The following MAD1L1 variants were observed in gnomAD, a reference collection of about 807,000 sequenced individuals.
The protein encoded by MAD1L1 is mitotic spindle assembly checkpoint protein MAD1.
Under a neutral mutation model 96.9 loss-of-function variants are expected in MAD1L1, and 95 were observed. That is an observed-to-expected ratio of 0.98 (90% CI 0.83 to 1.16). MAD1L1 has a LOEUF of 1.16. Ranked by LOEUF, MAD1L1 falls within the 50% of genes most tolerant of loss-of-function variation. The probability of loss-of-function intolerance (pLI) is 0.00; values close to 1 mark genes in which losing one functional copy is unlikely to be tolerated. For synonymous variants in MAD1L1, 473 were observed against 396.6 expected (o/e 1.19, Z -2.29); for missense variants, 1,007 against 954.4 (o/e 1.06, Z -0.73).
intron 15 of MAD1L1, among the ~76,000 whole-genome samples, chr7:1,975,438 A>T (rs1220760294): frequency 1.3e-5 from 2 of 152,024 alleles, no homozygotes; most frequent in Non-Finnish European, 2.9e-5. Context: ...ACCAGGGAAA[A>T]CCAGTTCCAC....
At chr7:2,124,642 T>TG (rs1278552518) in intron 11 of MAD1L1, among the ~76,000 whole-genome samples, 5 of 152,082 alleles carry the variant, frequency 3.3e-5, no homozygotes, top group Non-Finnish European at 5.9e-5. Flanking sequence ...AAGGAGCGTA[T>TG]GGGGCTCCAC....
At chr7:1,912,088 G>A (rs1190109380) in intron 17 of MAD1L1, among the ~76,000 whole-genome samples, 1 of 152,214 alleles carries the variant, frequency 6.6e-6, no homozygotes, top group Non-Finnish European at 1.5e-5. Flanking sequence ...CATAGCTGTC[G>A]GGATAGTTTC....
intron 10 of MAD1L1, among the ~76,000 whole-genome samples, chr7:2,212,332 G>A (rs1046659391): frequency 2.0e-5 from 3 of 152,220 alleles, no homozygotes; most frequent in Admixed American, 1.3e-4. Flanking sequence ...ACTGCGTGAA[G>A]AGGCTGCTAC....
chr7:2,105,933 G>T (rs1028047984), intron 11 of MAD1L1, among the ~76,000 whole-genome samples: 1 of 151,652 alleles, frequency 6.6e-6, no homozygotes, highest in Non-Finnish European at 1.5e-5. Flanking sequence ...GCCCTATCCA[G>T]CTGCGGCCCC....
intron 18 of MAD1L1, among the ~76,000 whole-genome samples, chr7:1,833,323 G>C (rs915782690): frequency 6.6e-6 from 1 of 152,142 alleles, no homozygotes; most frequent in African/African-American, 2.4e-5. Flanking sequence ...GCAGATTTCA[G>C]AGCAAAGAAT....
chr7:1,877,173 A>T (rs1025859989), intron 18 of MAD1L1, among the ~76,000 whole-genome samples: 1 of 152,148 alleles, frequency 6.6e-6, no homozygotes, highest in Non-Finnish European at 1.5e-5. Flanking sequence ...ACTGACATAG[A>T]GCTGGGGTCA....
chr7:1,885,421 A>C (rs1311913304), intron 18 of MAD1L1, among the ~76,000 whole-genome samples: 1 of 152,224 alleles, frequency 6.6e-6, no homozygotes. Flanking sequence ...AACTCACAGC[A>C]GTGAGCACCA....
intron 18 of MAD1L1, 34 bp downstream of exon 18, chr7:1,898,166 A>G (rs1318188543): frequency 5.1e-6 from 8 of 1,568,262 alleles, no homozygotes; most frequent in Non-Finnish European, 6.9e-6. Context: ...ACAGAGAGCG[A>G]GACAGCCGGA....
chr7:1,971,806 C>T (rs1433281614), intron 15 of MAD1L1, among the ~76,000 whole-genome samples: 3 of 152,162 alleles, frequency 2.0e-5, no homozygotes, highest in Non-Finnish European at 4.4e-5. Flanking sequence ...AGCAATGGAA[C>T]AGCCAAGAAG....
rs139204988 is a variant in MAD1L1 at position 2,143,278 on chromosome 7, A to C, written c.1073+5874T>G. ...AACCTGGGCCAGTGGTGGCTTCTCC[A>C]GCGGGAGGCCCCTCAAGTGCAAGAG... On this transcript the variant is annotated intron_variant, in intron 11 of 18. Transcript: ENST00000265854. 7.1e-3 allele frequency among the ~76,000 whole-genome samples: 1,070 copies of C among 151,184 alleles called. 7 individuals carry two copies. The highest frequency in any genetic ancestry group is 0.02 in the Middle Eastern group (6 of 294).
chr7:1,983,205 G>A (rs568707203), intron 14 of MAD1L1, among the ~76,000 whole-genome samples: 3 of 151,598 alleles, frequency 2.0e-5, no homozygotes, highest in African/African-American at 7.3e-5. Flanking sequence ...TAAGGCCTTT[G>A]CAGTTGTTGG....
chr7:2,104,097 C>T (rs1384105855), intron 11 of MAD1L1, among the ~76,000 whole-genome samples: 2 of 152,250 alleles, frequency 1.3e-5, no homozygotes, highest in East Asian at 3.8e-4. Context: ...CACAACAGGC[C>T]ATATCTGTTA....
chr7:1,892,300 A>G (rs559152221), intron 18 of MAD1L1, among the ~76,000 whole-genome samples: 2 of 152,312 alleles, frequency 1.3e-5, no homozygotes, highest in South Asian at 2.1e-4. Context: ...AAGTTCCCGC[A>G]AAGACAACAC....
chr7:1,987,324 C>G (rs968458193), intron 14 of MAD1L1, among the ~76,000 whole-genome samples: 1 of 152,246 alleles, frequency 6.6e-6, no homozygotes, highest in Non-Finnish European at 1.5e-5. Context: ...ACAGTCGGTG[C>G]TTGGACGGGC....
chr7:1,896,661 G>C (rs1243266492), intron 18 of MAD1L1, among the ~76,000 whole-genome samples: 1 of 152,222 alleles, frequency 6.6e-6, no homozygotes, highest in Non-Finnish European at 1.5e-5. Flanking sequence ...ATGACGAGTG[G>C]CTTGCTTCCC....
At chr7:2,219,648 G>A (rs1411278789) in intron 5 of MAD1L1, among the ~76,000 whole-genome samples, 192 bp from the exon 6 acceptor site, 1 of 139,682 alleles carries the variant, frequency 7.2e-6, no homozygotes, top group Non-Finnish European at 1.6e-5. Context: ...GAGCGGTAGG[G>A]GGGCAGATGG....
At chr7:2,012,360 G>A (rs991967297) in intron 13 of MAD1L1, among the ~76,000 whole-genome samples, 1 of 152,244 alleles carries the variant, frequency 6.6e-6, no homozygotes, top group Non-Finnish European at 1.5e-5. Flanking sequence ...GAAAACGCCA[G>A]GGACGGCAGA....
intron 10 of MAD1L1, among the ~76,000 whole-genome samples, chr7:2,198,703 T>C (rs1038302261): frequency 1.6e-4 from 25 of 152,222 alleles, no homozygotes; most frequent in African/African-American, 6.0e-4. Flanking sequence ...TCAGTTCTCC[T>C]GCCGCTGAGT....
chr7:1,909,009 TG>T (rs951539065), intron 17 of MAD1L1, among the ~76,000 whole-genome samples: 1 of 152,140 alleles, frequency 6.6e-6, no homozygotes, highest in Non-Finnish European at 1.5e-5. Flanking sequence ...CCCTCTAGGA[TG>T]GGTCTGATGG....
Sources: allele counts gnomAD v4.1 joint callset (sites outside exome capture counted in the v4.1 genomes callset), GRCh38; gene constraint gnomAD v4.1.1; transcripts MANE v1.5; gene names NCBI Gene and HGNC (gene_info 2026-07-23, HGNC 2026-07-21).